ECPAS: variants seen among roughly 807,000 people sequenced by gnomAD.
The protein encoded by ECPAS is Ecm29 proteasome adaptor and scaffold.
Under a neutral mutation model 255.1 loss-of-function variants are expected in ECPAS, and 70 were observed. That is an observed-to-expected ratio of 0.27 (90% CI 0.23 to 0.33). The LOEUF (loss-of-function observed/expected upper bound fraction) is 0.33. Ranked by LOEUF, ECPAS falls within the 10% of genes least tolerant of loss-of-function variation. The pLI, the probability that ECPAS is intolerant of heterozygous loss-of-function variation, is 1.00. For missense variants in ECPAS, 1,817 were observed against 2,206.4 expected (o/e 0.82, Z 3.54); for synonymous variants, 784 against 775.0 (o/e 1.01, Z -0.19).
chr9:111,480,928 T>C (rs540074437), intron 1 of ECPAS, among the ~76,000 whole-genome samples: 34 of 152,354 alleles, frequency 2.2e-4, no homozygotes, highest in African/African-American at 3.8e-4. Context: ...GGAAGCACAC[T>C]GCATAGACAC....
intron 2 of ECPAS, among the ~76,000 whole-genome samples, chr9:111,467,969 A>C (rs1226861553): frequency 6.6e-6 from 1 of 152,124 alleles, no homozygotes; most frequent in Admixed American, 6.6e-5. Context: ...CCTGACCAAT[A>C]TGATGAAACC....
At position 111,378,744 on chromosome 9, in the gene ECPAS, G is replaced by C. The variant is rs755183313; in HGVS notation, c.3804-14C>G. On this transcript the variant is annotated splice_polypyrimidine_tract_variant and intron_variant, in intron 35 of 49. Transcript: ENST00000684092. ...AGGGTGTTAATGCTACAAACATATG[G>C]AACACAACTCCTGAGTCCTTTTAAC... is the stretch of plus-strand genomic sequence containing the variant. The C allele has an allele frequency of 1.9e-6, 3 of 1,597,492 alleles. No homozygotes were observed. The highest frequency in any genetic ancestry group is 2.7e-5 in the African/African-American group (2 of 74,652).
intron 39 of ECPAS, 91 bp from the exon 40 acceptor site, chr9:111,373,497 T>C (rs2098129840): frequency 1.0e-6 from 1 of 952,628 alleles, no homozygotes. Context: ...ACCCTGTAAT[T>C]AACATCTGAT....
At position 111,386,435 on chromosome 9, in the gene ECPAS, T is replaced by C; in HGVS notation, c.3469A>G (p.Ile1157Val). Residue 1157 changes from isoleucine (I) to valine (V), a missense_variant, in exon 32 of 50, where the codon ATT becomes GTT. Ile to Val is a conservative substitution (Grantham distance 29, BLOSUM62 3). Coordinates refer to ENST00000684092, the MANE Select transcript of ECPAS (RefSeq NM_001364929.1). ...AGGTTCTTAACCAAATCTTGAAGAA[T>C]TTCTTTCAAATATTTATCCACCTAA... ...KSMVDKYLKE[I>V]LQDLVKNLTS... is the part of the protein sequence containing the mutation. 6.3e-7 allele frequency: 1 copy of C among 1,594,760 alleles called. No homozygotes were observed.
Position 111,393,710 on chromosome 9 carries a change from C to A in ECPAS, c.2947G>T (p.Ala983Ser), listed in dbSNP as rs762711882. The A allele has an allele frequency of 1.9e-6, 3 of 1,588,706 alleles. No individual in the cohort carries two copies. The East Asian group carries it at 6.7e-5, about 36-fold the overall frequency. ...TTTTCTGATAGAACTGAAACAAATG[C>A]ACTTTGAATTTCTTTAAGATGAGAC... ...VKSHLKEIQS[A>S]FVSVLSENDE... is the part of the protein sequence containing the mutation. Residue 983 changes from alanine (A) to serine (S), a missense_variant, in exon 27 of 50, where the codon GCA (alanine) becomes TCA (serine). Around this residue, in one of 4 missense-constraint regions of ECPAS, gnomAD observed 960 missense variants for 1,179.0 expected, o/e 0.81. Transcript: ENST00000684092.
At position 111,369,129 on chromosome 9, in the gene ECPAS, CTCT is replaced by C. The variant is rs781324365; in HGVS notation, c.5016_5018del (p.Glu1674del). On this transcript the variant is annotated inframe_deletion, in exon 46 of 50. Coordinates refer to ENST00000684092, the MANE Select transcript of ECPAS (RefSeq NM_001364929.1). ...GGAGCTCCTTTTCCTTTTCATTCTC[CTCT>C]TCATTTTTGGTTGTCCGGACCCCAC... 2 of 1,607,388 alleles carry C rather than the reference CTCT, an allele frequency of 1.2e-6. No homozygotes were observed. Among genetic ancestry groups the C allele is most frequent in the African/African-American group, 2.7e-5 (2 of 74,282 alleles).
intron 3 of ECPAS, among the ~76,000 whole-genome samples, chr9:111,445,840 A>C (rs535384527): frequency 7.9e-5 from 12 of 151,728 alleles, no homozygotes; most frequent in East Asian, 5.8e-4. Flanking sequence ...CCCACCCCCC[A>C]CAACAGGCCC....
intron 25 of ECPAS, 57 bp downstream of exon 25, chr9:111,396,973 A>C (rs2098168499): frequency 6.2e-7 from 1 of 1,607,592 alleles, no homozygotes. Flanking sequence ...AATGTGATAA[A>C]GAGAACAAAA....
At chr9:111,431,390 T>C (rs1002595155) in intron 8 of ECPAS, among the ~76,000 whole-genome samples, 1 of 152,032 alleles carries the variant, frequency 6.6e-6, no homozygotes, top group African/African-American at 2.4e-5. Context: ...AAACCCCATC[T>C]CTACCAAAAA....
chr9:111,374,083 G>GTTC (rs2098130605), intron 38 of ECPAS, 45 bp from the exon 39 acceptor site: 1 of 1,460,390 alleles, frequency 6.8e-7, no homozygotes, highest in Admixed American at 1.7e-5. Context: ...TGGTCACAAT[G>GTTC]TTCTACCTAC....
intron 33 of ECPAS, 139 bp from the exon 34 acceptor site, chr9:111,384,708 G>T (rs2098145369): frequency 7.0e-6 from 5 of 716,386 alleles, no homozygotes; most frequent in Admixed American, 2.3e-5. Context: ...TAAAAAAATT[G>T]GTATCTCATC....
intron 3 of ECPAS, among the ~76,000 whole-genome samples, chr9:111,445,945 G>A (rs764653899): frequency 1.3e-5 from 2 of 152,034 alleles, no homozygotes; most frequent in Non-Finnish European, 2.9e-5. Context: ...TTCTGTCTTT[G>A]TGATAGTTTG....
At chr9:111,421,863 T>G in intron 15 of ECPAS, 58 bp downstream of exon 15, 1 of 1,574,542 alleles carries the variant, frequency 6.4e-7, no homozygotes. Context: ...AATTCAAATT[T>G]TGTTCTTAAA....
At chr9:111,438,922 T>C (rs1303258552) in intron 6 of ECPAS, among the ~76,000 whole-genome samples, 4 of 152,202 alleles carry the variant, frequency 2.6e-5, no homozygotes, top group Non-Finnish European at 4.4e-5. Context: ...TAGCTTACCA[T>C]GTACACATAC....
chr9:111,409,905 C>CTTCT, intron 23 of ECPAS, 136 bp downstream of exon 23: 2 of 681,082 alleles, frequency 2.9e-6, no homozygotes, highest in Non-Finnish European at 4.9e-6. Flanking sequence ...TTAAGACTTG[C>CTTCT]TTCTTTATCA....
In ECPAS at chr9:111,362,176, G is replaced by GAAAAAAAAAAAAAAAAA; in HGVS notation, c.5381-8_5381-7insTTTTTTTTTTTTTTTTT. On this transcript the variant is annotated splice_region_variant and splice_polypyrimidine_tract_variant and intron_variant, in intron 49 of 49. Transcript: ENST00000684092. ...CATTCCCACTGTTTAGATTCTGCAT[G>GAAAAAAAAAAAAAAAAA]AAAAAAAAAAAACAAAAACAAAAAA... is the stretch of plus-strand genomic sequence containing the variant. 2 of 1,187,954 alleles carry GAAAAAAAAAAAAAAAAA rather than the reference G, an allele frequency of 1.7e-6. No homozygotes were observed. Among genetic ancestry groups the GAAAAAAAAAAAAAAAAA allele is most frequent in the African/African-American group, 1.8e-5 (1 of 54,644 alleles). 73.6% of individuals were successfully genotyped at this position (1,187,954 alleles called of 1,614,324 possible). A position where few individuals can be genotyped will look rare whatever the true frequency, so the allele number is the denominator to read the frequency against.
At chr9:111,417,746 C>CAAAA in intron 17 of ECPAS, 137 bp downstream of exon 17, 3 of 741,904 alleles carry the variant, frequency 4.0e-6, no homozygotes, top group Non-Finnish European at 5.8e-6. Context: ...AGCTCCATCT[C>CAAAA]AAAAAAAAAA....
chr9:111,478,478 G>C (rs1006162367), intron 1 of ECPAS, among the ~76,000 whole-genome samples: 1 of 152,086 alleles, frequency 6.6e-6, no homozygotes, highest in African/African-American at 2.4e-5. Flanking sequence ...AGTGATCTGA[G>C]ATTGCACCAC....
intron 35 of ECPAS, among the ~76,000 whole-genome samples, chr9:111,382,430 A>G (rs1270979793): frequency 2.0e-5 from 3 of 151,834 alleles, no homozygotes; most frequent in Non-Finnish European, 2.9e-5. Flanking sequence ...ACACCCGGCT[A>G]ATTTTTTTTG....
Sources: allele counts gnomAD v4.1 joint callset (sites outside exome capture counted in the v4.1 genomes callset), GRCh38; gene constraint gnomAD v4.1.1; regional missense constraint gnomAD v4.1.1; transcripts MANE v1.5; gene names NCBI Gene and HGNC (gene_info 2026-07-23, HGNC 2026-07-21).